SF3B3: variants seen among roughly 807,000 people sequenced by gnomAD.
SF3B3 encodes the protein splicing factor 3b subunit 3.
In SF3B3, 33 loss-of-function variants were observed where a neutral mutation model predicts 139.2. The observed-to-expected ratio is 0.24, with a 90% CI of 0.18 to 0.32. SF3B3 has a LOEUF of 0.32. SF3B3 is among the 10% of genes least tolerant of loss of function. SF3B3 has a pLI of 1.00. For missense variants in SF3B3, 818 were observed against 1,509.4 expected, an observed-to-expected ratio of 0.54 and a Z score of 7.59; for synonymous variants, 596 against 563.6, an observed-to-expected ratio of 1.06 and a Z score of -0.81.
rs1195783062 is a variant in SF3B3, at chr16:70,556,331, C to A, written c.1863C>A (p.Pro621=). ...CTGTCAGAATCATCTCCCTGGATCC[C>A]TCAGTGAGTGACACTCTGAGCTTCA... is the stretch of plus-strand genomic sequence containing the variant. ...DNTVRIISLD[P]SDCLQPLSMQ... Residue 621 remains proline, a synonymous_variant, in exon 14 of 26, where the codon CCC becomes CCA. Coordinates refer to ENST00000302516, the MANE Select transcript of SF3B3 (RefSeq NM_012426.5). The A allele has an allele frequency of 1.9e-6, 3 of 1,614,162 alleles. No homozygotes were observed. The Admixed American group carries it at 5.0e-5, about 27-fold the overall frequency.
chr16:70,568,524 A>G (rs1166801068), intron 22 of SF3B3, 29 bp downstream of exon 22: 5 of 1,566,540 alleles, frequency 3.2e-6, no homozygotes, highest in South Asian at 1.1e-5. Context: ...CTTGGGTTAC[A>G]GTGATGTGTA....
chr16:70,548,576 C>G, intron 11 of SF3B3, 134 bp downstream of exon 11: 1 of 735,882 alleles, frequency 1.4e-6, no homozygotes, highest in Non-Finnish European at 2.3e-6. Context: ...TGGCCCAACA[C>G]TGTTTTTGAG....
intron 18 of SF3B3, 23 bp downstream of exon 18, chr16:70,564,073 G>A: frequency 6.2e-7 from 1 of 1,608,044 alleles, no homozygotes; most frequent in South Asian, 1.1e-5. Context: ...ACGTTCAGGG[G>A]TTCTATTAAA....
intron 6 of SF3B3, 48 bp downstream of exon 6, chr16:70,535,468 G>T: frequency 8.7e-7 from 1 of 1,144,106 alleles, no homozygotes; most frequent in South Asian, 1.3e-5. Context: ...TAATTTTTGT[G>T]ATTACAGTGT....
In SF3B3 at chr16:70,526,575, C is replaced by G; in HGVS notation, c.-70-12C>G. 1 of 949,710 alleles carries G rather than the reference C, an allele frequency of 1.1e-6. No individual in the cohort carries two copies. Among genetic ancestry groups the G allele is most frequent in the Non-Finnish European group, 1.6e-6 (1 of 610,558 alleles). 58.8% of individuals were successfully genotyped at this position (949,710 alleles called of 1,614,324 possible). ...AGTCTCCCAGCTATTTTTCTGTTTT[C>G]TGTTTTCTTAGCTTTCTTGGACTCC... On this transcript the variant is annotated splice_polypyrimidine_tract_variant and intron_variant, in intron 1 of 25. Coordinates refer to ENST00000302516, the MANE Select transcript of SF3B3 (RefSeq NM_012426.5).
chr16:70,541,246 A>G (rs2050216775), intron 8 of SF3B3, among the ~76,000 whole-genome samples: 1 of 152,154 alleles, frequency 6.6e-6, no homozygotes, highest in Non-Finnish European at 1.5e-5. Context: ...GTATCTTTGG[A>G]GAAATGTCTA....
chr16:70,563,773 A>C, intron 17 of SF3B3, 103 bp from the exon 18 acceptor site: 1 of 1,080,838 alleles, frequency 9.3e-7, no homozygotes, highest in Non-Finnish European at 1.4e-6. Flanking sequence ...CCAACGTTAG[A>C]GCTCCAGGGA....
At chr16:70,542,525 T>C (rs2050228908) in intron 9 of SF3B3, among the ~76,000 whole-genome samples, 1 of 152,126 alleles carries the variant, frequency 6.6e-6, no homozygotes. Flanking sequence ...TGAGTGACCA[T>C]TAGGGACCAC....
intron 20 of SF3B3, among the ~76,000 whole-genome samples, chr16:70,566,642 C>A (rs1323723840): frequency 6.6e-6 from 1 of 152,178 alleles, no homozygotes; most frequent in Non-Finnish European, 1.5e-5. Context: ...AGAATATTCT[C>A]TTCTCCACAA....
intron 2 of SF3B3, chr16:70,527,081 G>A (rs545272088): frequency 8.9e-5 from 21 of 236,706 alleles, no homozygotes; most frequent in African/African-American, 3.9e-4. Context: ...GAAGGTGTTT[G>A]TCTGGTTATC....
chr16:70,561,311 G>A (rs942586351), intron 16 of SF3B3: 8 of 202,966 alleles, frequency 3.9e-5, no homozygotes, highest in East Asian at 1.3e-4. Flanking sequence ...ATGAGCCACC[G>A]CACCTGGCCT....
Position 70,577,530 on chromosome 16 carries a change from A to G in SF3B3, c.*5717A>G, listed in dbSNP as rs2050591131. ...GTGAGGAGTTAGCCTGGAACATTCC[A>G]GCGTGGGCATTATTGTCCTGTTGCA... On this transcript the variant is annotated 3_prime_UTR_variant, in exon 26 of 26. Coordinates refer to ENST00000302516, the MANE Select transcript of SF3B3 (RefSeq NM_012426.5). 1.3e-5 allele frequency: 2 copies of G among 152,224 alleles called. No individual in the cohort carries two copies. The highest frequency in any genetic ancestry group is 4.8e-5 in the African/African-American group (2 of 41,452). The allele number at this position is 152,224 out of a possible 1,614,324, so 9.4% of individuals were successfully genotyped here. A position where few individuals can be genotyped will look rare whatever the true frequency, so the allele number is the denominator to read the frequency against.
At chr16:70,539,233 T>C (rs2050196071) in intron 8 of SF3B3, 26 bp downstream of exon 8, 6 of 1,511,788 alleles carry the variant, frequency 4.0e-6, no homozygotes, top group Non-Finnish European at 5.5e-6. Flanking sequence ...GTTACCCTAG[T>C]TCACCCTGGT....
Position 70,556,175 on chromosome 16 carries a change from G to A in SF3B3, c.1711-4G>A, listed in dbSNP as rs369540284. The A allele has an allele frequency of 5.0e-6, 8 of 1,614,048 alleles. No individual in the cohort carries two copies. In the African/African-American group the frequency reaches 6.7e-5, roughly 13 times the overall value. The stretch of plus-strand genomic sequence containing the variant: ...TTGACCTTGCTGTGTCTTTCCTCCT[G>A]TAGTCAGGACAGCTGAATGAGTACA... On this transcript the variant is annotated splice_region_variant and splice_polypyrimidine_tract_variant and intron_variant, in intron 13 of 25. Transcript: ENST00000302516.
At chr16:70,557,453 G>T (rs969565138) in intron 15 of SF3B3, among the ~76,000 whole-genome samples, 1 of 152,178 alleles carries the variant, frequency 6.6e-6, no homozygotes, top group African/African-American at 2.4e-5. Flanking sequence ...GTGCTTTAAC[G>T]CTAAGATAGT....
At position 70,571,146 on chromosome 16, in the gene SF3B3, C is replaced by T. The variant is rs1484010791; in HGVS notation, c.3460C>T (p.Pro1154Ser). 1.9e-6 allele frequency: 3 copies of T among 1,614,088 alleles called. No individual in the cohort carries two copies. The highest frequency in any genetic ancestry group is 2.5e-6 in the Non-Finnish European group (3 of 1,180,002). The change falls in exon 25 of 26, where the codon CCT (proline) becomes TCT (serine). Residue 1154 changes from proline to serine, a missense_variant. Pro to Ser is a moderately conservative substitution (Grantham distance 74). Around this residue, in one of 14 missense-constraint regions of SF3B3, gnomAD observed 44 missense variants for 40.4 expected, o/e 1.09. Coordinates refer to ENST00000302516, the MANE Select transcript of SF3B3 (RefSeq NM_012426.5). Reference sequence around the variant, plus strand: ...AATGCACCTGCGGTCTGAACATCCCCCTCTCTGTGGGCGGGACCACCTCAG... The same window carrying T: ...AATGCACCTGCGGTCTGAACATCCCTCTCTCTGTGGGCGGGACCACCTCAG... ...VEMHLRSEHP[P>S]LCGRDHLSFR... is the part of the protein sequence containing the mutation.
In SF3B3 at chr16:70,565,473, C is replaced by G; in HGVS notation, c.2775C>G (p.Val925=). The G allele has an allele frequency of 1.2e-6, 2 of 1,614,180 alleles. No homozygotes were observed. Among genetic ancestry groups the G allele is most frequent in the Non-Finnish European group, 8.5e-7 (1 of 1,180,034 alleles). Reference sequence around the variant, plus strand: ...CCCGATCTGTGGCAGGGGGCTTCGTCTATACTTACAAGCTTGTGAACAATG... The same window carrying G: ...CCCGATCTGTGGCAGGGGGCTTCGTGTATACTTACAAGCTTGTGAACAATG... ...LNPRSVAGGF[V]YTYKLVNNGE... The change falls in exon 20 of 26, where the codon GTC becomes GTG. Residue 925 remains valine, a synonymous_variant. Transcript: ENST00000302516.
At position 70,565,118 on chromosome 16, in the gene SF3B3, A is replaced by T; in HGVS notation, c.2517A>T (p.Ala839=). ...EDERELAAEM[A]AAFLNENLPE... The stretch of plus-strand genomic sequence containing the variant: ...AGCGGGAGCTGGCCGCAGAGATGGC[A>T]GCAGCATTCCTCAATGAAAACCTCC... Residue 839 remains alanine (A), a synonymous_variant, in exon 19 of 26, where the codon GCA becomes GCT. Transcript: ENST00000302516. The T allele has an allele frequency of 6.2e-7, 1 of 1,614,166 alleles. No homozygotes were observed. Among genetic ancestry groups the T allele is most frequent in the Non-Finnish European group, 8.5e-7 (1 of 1,180,054 alleles).
In SF3B3 at chr16:70,568,207, A is replaced by G. The variant is rs1597724661; in HGVS notation, c.2953-76A>G. The G allele has an allele frequency of 2.1e-5, 24 of 1,130,304 alleles. 1 individual carries two copies. The East Asian group carries it at 5.4e-4, about 26-fold the overall frequency. The allele number at this position is 1,130,304 out of a possible 1,614,324, so 70.0% of individuals were successfully genotyped here. A position where few individuals can be genotyped will look rare whatever the true frequency, so the allele number is the denominator to read the frequency against. ...GTTCTGCTGACCCTACGTATGTCATACGGAAAGCTGGGCTTTCTTTGGGTT... is the reference window on the plus strand; with the variant it reads ...GTTCTGCTGACCCTACGTATGTCATGCGGAAAGCTGGGCTTTCTTTGGGTT... On this transcript the variant is annotated intron_variant, in intron 21 of 25. Coordinates refer to ENST00000302516, the MANE Select transcript of SF3B3 (RefSeq NM_012426.5).
Sources: gnomAD v4.1 joint callset for allele counts (sites outside exome capture counted in the v4.1 genomes callset) on GRCh38, gnomAD v4.1.1 for gene constraint, gnomAD v4.1.1 regional missense constraint, MANE v1.5 for transcripts, NCBI Gene and HGNC (gene_info 2026-07-23, HGNC 2026-07-21) for gene names.